The following BTBD9 variants were observed in gnomAD, a reference collection of about 807,000 sequenced individuals.
BTBD9 encodes BTB domain containing 9.
In BTBD9, 49 loss-of-function variants were observed where a neutral mutation model predicts 64.3. That is an observed-to-expected ratio of 0.76 (90% CI 0.61 to 0.97). The LOEUF (loss-of-function observed/expected upper bound fraction) is 0.97, where lower values mean the gene tolerates loss of function less well. Ranked by LOEUF, BTBD9 falls within the 50% of genes least tolerant of loss-of-function variation. BTBD9 has a pLI of 0.00. For synonymous variants in BTBD9, 260 were observed against 274.7 expected (o/e 0.95, Z 0.53); for missense variants, 598 against 762.1 (o/e 0.78, Z 2.53).
At chr6:38,183,202 G>A (rs867802694) in intron 10 of BTBD9, among the ~76,000 whole-genome samples, 11 of 152,210 alleles carry the variant, frequency 7.2e-5, no homozygotes, top group African/African-American at 2.4e-4. Context: ...GGATGGTCTC[G>A]ATCTGACCTC....
intron 9 of BTBD9, among the ~76,000 whole-genome samples, chr6:38,254,115 T>C (rs1273757620): frequency 2.6e-5 from 4 of 151,202 alleles, no homozygotes; most frequent in African/African-American, 9.8e-5. Context: ...TTCTTTCTCC[T>C]GCCAGCTAAA....
chr6:38,440,048 T>C (rs1265137966), intron 6 of BTBD9, among the ~76,000 whole-genome samples: 1 of 152,206 alleles, frequency 6.6e-6, no homozygotes, highest in Non-Finnish European at 1.5e-5. Context: ...CAGATTCCTA[T>C]TAAACATTCA....
intron 1 of BTBD9, among the ~76,000 whole-genome samples, chr6:38,631,176 C>T (rs543314272): frequency 6.6e-6 from 1 of 152,180 alleles, no homozygotes; most frequent in Non-Finnish European, 1.5e-5. Flanking sequence ...GAATCCACAA[C>T]AAATCTGTAA....
Position 38,494,067 on chromosome 6 carries a change from C to T in BTBD9, c.1154+83533G>A, listed in dbSNP as rs138381272. Among the ~76,000 whole-genome samples the T allele has an allele frequency of 7.9e-5, 12 of 152,210 alleles. 1 individual carries two copies. In the East Asian group the frequency reaches 2.3e-3, roughly 29 times the overall value. Reference sequence around the variant, plus strand: ...AGAATATAAATCCTTTATCTTTTTACTGAGAAGAAAAAATGAAGAGATTCG... The same window carrying T: ...AGAATATAAATCCTTTATCTTTTTATTGAGAAGAAAAAATGAAGAGATTCG... On this transcript the variant is annotated intron_variant, in intron 6 of 10. Transcript: ENST00000481247.
intron 6 of BTBD9, among the ~76,000 whole-genome samples, chr6:38,351,932 T>C (rs1385548487): frequency 2.0e-5 from 3 of 152,200 alleles, no homozygotes; most frequent in Non-Finnish European, 4.4e-5. Context: ...TTTGAATTAA[T>C]ATCACAAAAA....
At chr6:38,576,421 G>A (rs151292876) in intron 6 of BTBD9, among the ~76,000 whole-genome samples, 4 of 152,250 alleles carry the variant, frequency 2.6e-5, no homozygotes, top group African/African-American at 9.6e-5. Context: ...GGATCCCTGG[G>A]TAACAATATT....
In BTBD9 at chr6:38,416,483, C is replaced by T. The variant is rs185984829; in HGVS notation, c.1155-71390G>A. Among the ~76,000 whole-genome samples the T allele has an allele frequency of 6.7e-3, 1,008 of 150,138 alleles. 11 individuals are homozygous for T. Among genetic ancestry groups the T allele is most frequent in the African/African-American group, 0.023 (943 of 40,758 alleles). On this transcript the variant is annotated intron_variant, in intron 6 of 10. Coordinates refer to ENST00000481247, the MANE Select transcript of BTBD9 (RefSeq NM_001099272.2). The stretch of plus-strand genomic sequence containing the variant: ...CCGAGTATCTGGGACTACAGGTGCC[C>T]GCCACCATGCCCAGCTAATTTTTTT...
chr6:38,590,911 C>A (rs183901315), intron 4 of BTBD9, among the ~76,000 whole-genome samples: 110 of 152,292 alleles, frequency 7.2e-4, no homozygotes, highest in African/African-American at 2.6e-3. Context: ...TCATCAAGAT[C>A]TATTTTTTTC....
At chr6:38,557,156 G>GC (rs112962533) in intron 6 of BTBD9, among the ~76,000 whole-genome samples, 15,880 of 149,756 alleles carry the variant, frequency 0.11, 1,262 homozygotes, top group East Asian at 0.24. Flanking sequence ...GAACAGTCTG[G>GC]CCAACATGGC....
chr6:38,285,426 T>A (rs972508781), intron 8 of BTBD9, among the ~76,000 whole-genome samples: 1 of 151,910 alleles, frequency 6.6e-6, no homozygotes, highest in African/African-American at 2.4e-5. Flanking sequence ...AATCATGACA[T>A]GACGTGACTT....
rs575684958 is a variant in BTBD9, at chr6:38,295,018, T to C, written c.1265-6557A>G. 5.9e-4 allele frequency among the ~76,000 whole-genome samples: 90 copies of C among 152,276 alleles called. 2 individuals are homozygous for C. The South Asian group carries it at 0.017, about 29-fold the overall frequency. On this transcript the variant is annotated intron_variant, in intron 7 of 10. Coordinates refer to ENST00000481247, the MANE Select transcript of BTBD9 (RefSeq NM_001099272.2). Reference sequence around the variant, plus strand: ...CTGGAATCATTCTCAATTTCTCTTCTGTAAACTATTTTTATCTTTTGCCTA... The same window carrying C: ...CTGGAATCATTCTCAATTTCTCTTCCGTAAACTATTTTTATCTTTTGCCTA...
At chr6:38,299,338 G>T (rs1342698357) in intron 7 of BTBD9, among the ~76,000 whole-genome samples, 2 of 152,174 alleles carry the variant, frequency 1.3e-5, no homozygotes, top group Admixed American at 1.3e-4. Flanking sequence ...TGTCTTTATA[G>T]CAGCATGATT....
intron 6 of BTBD9, among the ~76,000 whole-genome samples, chr6:38,374,275 A>C (rs1386454526): frequency 2.7e-5 from 3 of 112,496 alleles, no homozygotes; most frequent in African/African-American, 1.2e-4. Flanking sequence ...TGTCGAAAAA[A>C]AAAAAAAGTA....
intron 8 of BTBD9, among the ~76,000 whole-genome samples, chr6:38,278,468 G>A (rs1356849057): frequency 6.6e-6 from 1 of 152,140 alleles, no homozygotes; most frequent in Non-Finnish European, 1.5e-5. Flanking sequence ...AGAAATCAAG[G>A]GTGGATTGAA....
intron 7 of BTBD9, among the ~76,000 whole-genome samples, chr6:38,341,842 G>A (rs1334386166): frequency 1.3e-5 from 2 of 152,204 alleles, no homozygotes; most frequent in Admixed American, 6.5e-5. Flanking sequence ...AGAGGCTGTA[G>A]TGGCAGCAGC....
chr6:38,503,402 C>T (rs1046544660), intron 6 of BTBD9, among the ~76,000 whole-genome samples: 3 of 152,022 alleles, frequency 2.0e-5, no homozygotes, highest in African/African-American at 2.4e-5. Context: ...GGTAGCTCTG[C>T]TCTTCAACCT....
intron 6 of BTBD9, chr6:38,481,830 T>C (rs1771161978): frequency 1.3e-5 from 2 of 152,242 alleles, no homozygotes; most frequent in Admixed American, 1.3e-4. Flanking sequence ...CAGCGCAACT[T>C]ATTTGATGAT....
At chr6:38,202,581 G>C (rs918241333) in intron 9 of BTBD9, among the ~76,000 whole-genome samples, 19 of 152,056 alleles carry the variant, frequency 1.2e-4, no homozygotes, top group Non-Finnish European at 2.2e-4. Context: ...GCCCAACAGA[G>C]TATACTGGAA....
intron 6 of BTBD9, among the ~76,000 whole-genome samples, chr6:38,396,997 G>C (rs1210312103): frequency 6.7e-6 from 1 of 148,286 alleles, no homozygotes; most frequent in Non-Finnish European, 1.5e-5. Flanking sequence ...TGCCTCCTGG[G>C]TTCAAGTGAT....
Sources: allele counts gnomAD v4.1 joint callset (sites outside exome capture counted in the v4.1 genomes callset), GRCh38; gene constraint gnomAD v4.1.1; transcripts MANE v1.5; gene names NCBI Gene and HGNC (gene_info 2026-07-23, HGNC 2026-07-21).